The following MAPK14 variants were observed in gnomAD, a reference collection of about 807,000 sequenced individuals.
MAPK14 encodes CSAID-binding protein.
Under a neutral mutation model 49.6 loss-of-function variants are expected in MAPK14, and 16 were observed. That is an observed-to-expected ratio of 0.32 (90% confidence interval 0.22 to 0.49). MAPK14 has a LOEUF of 0.49. Among genes scored for constraint, MAPK14 ranks in the 20% least tolerant of loss-of-function variants. The pLI, the probability that MAPK14 is intolerant of heterozygous loss-of-function variation, is 0.99. For missense variants in MAPK14, 200 were observed against 441.2 expected (o/e 0.45, Z 4.90); for synonymous variants, 142 against 158.0 (o/e 0.90, Z 0.76).
intron 1 of MAPK14, among the ~76,000 whole-genome samples, chr6:36,049,052 T>C (rs1046910288): frequency 6.6e-6 from 1 of 152,178 alleles, no homozygotes; most frequent in Non-Finnish European, 1.5e-5. Context: ...GAAGTGTTGA[T>C]ATAGACTCCA....
At chr6:36,037,914 A>G (rs7745536) in intron 1 of MAPK14, among the ~76,000 whole-genome samples, 21,720 of 151,856 alleles carry the variant, frequency 0.14, 1,904 homozygotes, top group African/African-American at 0.26. Context: ...GCTTGAGCCT[A>G]AGAGGATTGC....
chr6:36,114,085 TGTTAG>T (rs2127480876), downstream of MAPK14, among the ~76,000 whole-genome samples: 1 of 152,230 alleles, frequency 6.6e-6, no homozygotes, highest in South Asian at 2.1e-4. Context: ...CAGTGTAGGG[TGTTAG>T]GCAGCATCCC....
At chr6:36,053,700 C>T (rs143304920) in intron 2 of MAPK14, among the ~76,000 whole-genome samples, 37 of 152,280 alleles carry the variant, frequency 2.4e-4, no homozygotes, top group African/African-American at 8.7e-4. Context: ...AATTCAAAAT[C>T]TGTGAATTTA....
the MAPK14 span, among the ~76,000 whole-genome samples, chr6:36,123,148 A>G: frequency 6.6e-6 from 1 of 152,102 alleles, no homozygotes; most frequent in Non-Finnish European, 1.5e-5. Context: ...GGAAAGGTGG[A>G]CAATTCCATA....
At chr6:36,094,999 C>G (rs1562147525) in intron 8 of MAPK14, among the ~76,000 whole-genome samples, 1 of 152,164 alleles carries the variant, frequency 6.6e-6, no homozygotes, top group Non-Finnish European at 1.5e-5. Context: ...CCCCTTCTCC[C>G]TCCCTGGAAT....
chr6:36,060,081 G>C (rs879597002), intron 3 of MAPK14, among the ~76,000 whole-genome samples: 1 of 152,152 alleles, frequency 6.6e-6, no homozygotes, highest in Non-Finnish European at 1.5e-5. Flanking sequence ...AACCAGTAGT[G>C]GGGGGCTAGG....
rs370456217 is a variant in MAPK14 at position 36,091,214 on chromosome 6, T to G, written c.683-4773T>G. On this transcript the variant is annotated intron_variant, in intron 8 of 11. Transcript: ENST00000229794. ...TGACTAGAATATCCCTCTTTTACTT[T>G]CCCTAGAAATATCCTGTTATGCTTA... Among the ~76,000 whole-genome samples, 3 of 152,274 alleles carry G rather than the reference T, an allele frequency of 2.0e-5. No individual in the cohort carries two copies. In the East Asian group the frequency reaches 5.8e-4, roughly 29 times the overall value.
In MAPK14 at chr6:36,074,029, T is replaced by C. The variant is rs1309645155; in HGVS notation, c.448-20T>C. Reference sequence around the variant, plus strand: ...ATGCATCATAAAGTTGATCCTGTCTTCCCTGTATTTGCTTCCTAGGACCTA... The same window carrying C: ...ATGCATCATAAAGTTGATCCTGTCTCCCCTGTATTTGCTTCCTAGGACCTA... On this transcript the variant is annotated intron_variant, in intron 5 of 11. Coordinates refer to ENST00000229794, the MANE Select transcript of MAPK14 (RefSeq NM_139012.3). 6.3e-7 allele frequency: 1 copy of C among 1,592,780 alleles called. No individual in the cohort carries two copies. The highest frequency in any genetic ancestry group is 1.1e-5 in the South Asian group (1 of 90,594).
intron 1 of MAPK14, among the ~76,000 whole-genome samples, chr6:36,047,474 G>A (rs1311865155): frequency 6.6e-6 from 1 of 152,246 alleles, no homozygotes; most frequent in Non-Finnish European, 1.5e-5. Context: ...GCCATCATGA[G>A]AAATTTGCAT....
intron 1 of MAPK14, among the ~76,000 whole-genome samples, chr6:36,048,416 A>G (rs767705288): frequency 2.6e-5 from 4 of 152,316 alleles, no homozygotes; most frequent in South Asian, 2.1e-4. Context: ...GGCTCAAGCA[A>G]TCCTCCTGCC....
At chr6:36,124,084 TTTTC>T in the MAPK14 span, among the ~76,000 whole-genome samples, 8 of 149,140 alleles carry the variant, frequency 5.4e-5, no homozygotes, top group African/African-American at 1.7e-4. Flanking sequence ...GGAGGGTGCC[TTTTC>T]TTTCTTGTCT....
At chr6:36,041,233 T>G (rs2127402838) in intron 1 of MAPK14, among the ~76,000 whole-genome samples, 1 of 152,222 alleles carries the variant, frequency 6.6e-6, no homozygotes, top group South Asian at 2.1e-4. Flanking sequence ...TTTTTTTTTT[T>G]TAAACACCAC....
chr6:36,035,622 A>G (rs980448372), intron 1 of MAPK14, among the ~76,000 whole-genome samples: 4 of 152,262 alleles, frequency 2.6e-5, no homozygotes, highest in African/African-American at 7.2e-5. Flanking sequence ...CTTGTACCAA[A>G]CAGCCAATTT....
intron 1 of MAPK14, among the ~76,000 whole-genome samples, chr6:36,042,476 CTTTTTTTTT>C (rs113286534): frequency 5.8e-5 from 6 of 102,686 alleles, no homozygotes; most frequent in East Asian, 6.2e-4. Flanking sequence ...GAAGGAATAT[CTTTTTTTTT>C]TTTTTTTTTT....
At chr6:36,123,390 A>G in the MAPK14 span, among the ~76,000 whole-genome samples, 1 of 152,206 alleles carries the variant, frequency 6.6e-6, no homozygotes, top group Admixed American at 6.5e-5. Flanking sequence ...GAGCAAGGGA[A>G]GAACAGCAAA....
chr6:36,062,262 C>G (rs528523962), intron 3 of MAPK14, among the ~76,000 whole-genome samples: 1 of 152,142 alleles, frequency 6.6e-6, no homozygotes, highest in East Asian at 1.9e-4. Context: ...AGACATGAGC[C>G]GCCACACCCA....
intron 1 of MAPK14, among the ~76,000 whole-genome samples, chr6:36,036,319 T>A (rs1386289462): frequency 6.6e-6 from 1 of 151,570 alleles, no homozygotes; most frequent in Admixed American, 6.6e-5. Context: ...AATAAAGTAG[T>A]TTCTTGAGGT....
At position 36,033,265 on chromosome 6, in the gene MAPK14, G is replaced by T. The variant is rs1434634331; in HGVS notation, c.116+4992G>T. 4.0e-5 allele frequency among the ~76,000 whole-genome samples: 6 copies of T among 151,838 alleles called. No homozygotes were observed. In the East Asian group the frequency reaches 1.2e-3, roughly 29 times the overall value. On this transcript the variant is annotated intron_variant, in intron 1 of 11. Transcript: ENST00000229794. ...GATGTATAAAGATTGTTTTAAGAAA[G>T]AGTTCATTCGAAGCTGGCTATAAAG...
chr6:36,060,599 C>T (rs1206110532), intron 3 of MAPK14, among the ~76,000 whole-genome samples: 1 of 152,202 alleles, frequency 6.6e-6, no homozygotes, highest in African/African-American at 2.4e-5. Flanking sequence ...ACCAGTTTCT[C>T]CTCACCCTTA....
Sources: gnomAD v4.1 joint callset for allele counts (sites outside exome capture counted in the v4.1 genomes callset) on GRCh38, gnomAD v4.1.1 for gene constraint, MANE v1.5 for transcripts, NCBI Gene and HGNC (gene_info 2026-07-23, HGNC 2026-07-21) for gene names.